HIVEP3: variants seen among roughly 807,000 people sequenced by gnomAD.
HIVEP3 encodes transcription factor HIVEP3.
HIVEP3 carries 49 observed loss-of-function variants against 152.8 expected under a neutral mutation model. The observed-to-expected ratio is 0.32, with a 90% CI of 0.26 to 0.41. HIVEP3 has a LOEUF of 0.41. Ranked by LOEUF, HIVEP3 falls within the 10% of genes least tolerant of loss-of-function variation. The pLI, the probability that HIVEP3 is intolerant of heterozygous loss-of-function variation, is 1.00. For missense variants in HIVEP3, 2,790 were observed against 3,103.3 expected (o/e 0.90, Z 2.40); for synonymous variants, 1,269 against 1,289.0 (o/e 0.98, Z 0.33).
intron 1 of HIVEP3, among the ~76,000 whole-genome samples, chr1:41,867,419 C>T (rs756471501): frequency 6.6e-6 from 1 of 152,186 alleles, no homozygotes; most frequent in Non-Finnish European, 1.5e-5. Context: ...ATTTGGCTCA[C>T]AAGCAGGCTG....
chr1:41,513,824 G>A, intron 7 of HIVEP3, 74 bp from the exon 8 acceptor site: 1 of 1,274,750 alleles, frequency 7.8e-7, no homozygotes, highest in Non-Finnish European at 1.0e-6. Flanking sequence ...GCTCCTCTCT[G>A]AGCCCCAGTT....
chr1:41,582,175 G>C lies in HIVEP3; in HGVS notation c.2623C>G (p.Pro875Ala), dbSNP rs146058739. 7.4e-6 allele frequency: 12 copies of C among 1,613,882 alleles called. No individual in the cohort carries two copies. In the African/African-American group the frequency reaches 8.0e-5, roughly 11 times the overall value. The change falls in exon 4 of 9, where the codon CCT becomes GCT. Residue 875 changes from proline to alanine, a missense_variant. Pro to Ala is a conservative substitution (Grantham distance 27). Transcript: ENST00000372583. This position sits in a 1 kb window ranked among gnomAD's most constrained non-coding sequence, Gnocchi z 4.7. Reference protein sequence around the residue: ...DRPDTEPEPPPKEPEKTEEFQ... With the variant: ...DRPDTEPEPPAKEPEKTEEFQ... The stretch of plus-strand genomic sequence containing the variant: ...TCCTCAGTCTTCTCAGGTTCCTTAG[G>C]GGGCGGCTCTGGCTCTGTGTCCGGC...
chr1:41,832,410 A>G (rs1204425723), intron 1 of HIVEP3, among the ~76,000 whole-genome samples: 1 of 152,120 alleles, frequency 6.6e-6, no homozygotes, highest in Admixed American at 6.5e-5. Flanking sequence ...GTGCCCCTAT[A>G]GTCCCAGCTA....
intron 1 of HIVEP3, among the ~76,000 whole-genome samples, chr1:41,745,018 G>A (rs1647051244): frequency 6.6e-6 from 1 of 152,208 alleles, no homozygotes; most frequent in Admixed American, 6.5e-5. Context: ...TCTCAGGATT[G>A]TGGTTCTGGA....
intron 1 of HIVEP3, among the ~76,000 whole-genome samples, chr1:41,773,823 G>T (rs928196155): frequency 6.6e-6 from 1 of 152,218 alleles, no homozygotes. Context: ...CCAGCTTTTA[G>T]TCAGTTAAAT....
At position 41,908,292 on chromosome 1, in the gene HIVEP3, T is replaced by A. The variant is rs567385471; in HGVS notation, c.-801+10121A>T. On this transcript the variant is annotated intron_variant, in intron 1 of 8. Transcript: ENST00000372583. Reference sequence around the variant, plus strand: ...GCTTTCTCAATTTACTAAGAAAGAATAATTAACTCCCTAGTACCTGATATA... The same window carrying A: ...GCTTTCTCAATTTACTAAGAAAGAAAAATTAACTCCCTAGTACCTGATATA... 1.6e-4 allele frequency among the ~76,000 whole-genome samples: 24 copies of A among 152,284 alleles called. No individual in the cohort carries two copies. In the South Asian group the frequency reaches 4.8e-3, roughly 30 times the overall value.
chr1:41,784,583 T>C (rs908525005), intron 1 of HIVEP3, among the ~76,000 whole-genome samples: 3 of 152,194 alleles, frequency 2.0e-5, no homozygotes, highest in African/African-American at 4.8e-5. Flanking sequence ...CTTACACTTA[T>C]GCACTCAGGG....
intron 1 of HIVEP3, among the ~76,000 whole-genome samples, chr1:41,902,421 G>A (rs773412110): frequency 2.0e-5 from 3 of 152,096 alleles, no homozygotes; most frequent in African/African-American, 4.8e-5. Flanking sequence ...CCCCAGGGAG[G>A]GTCCTGGAAT....
chr1:41,636,279 A>C (rs1645272144), intron 2 of HIVEP3, among the ~76,000 whole-genome samples: 1 of 152,230 alleles, frequency 6.6e-6, no homozygotes, highest in Admixed American at 6.5e-5. Context: ...ATGCCATTTT[A>C]AATAGAATAC....
At chr1:41,764,049 C>T (rs1019377040) in intron 1 of HIVEP3, among the ~76,000 whole-genome samples, 1 of 152,116 alleles carries the variant, frequency 6.6e-6, no homozygotes, top group Non-Finnish European at 1.5e-5. Flanking sequence ...AGATGCGGGG[C>T]CCAGAGCCCT....
rs113712669 is a variant in HIVEP3 at position 41,943,127 on chromosome 1, T to C, written n.120-24603A>G. Among the ~76,000 whole-genome samples, 1,257 of 152,096 alleles carry C rather than the reference T, an allele frequency of 8.3e-3. 19 individuals carry two copies. The highest frequency in any genetic ancestry group is 0.029 in the African/African-American group (1,213 of 41,488). On this transcript the variant is annotated intron_variant and non_coding_transcript_variant, in intron 1 of 3. Transcript: ENST00000489103. ...TTCACCATGTTAGCCAGGATGGTCT[T>C]GATCTCCTGACCTCGTGATCCACCT...
At chr1:41,882,251 C>G (rs1644273459) in intron 1 of HIVEP3, among the ~76,000 whole-genome samples, 1 of 152,180 alleles carries the variant, frequency 6.6e-6, no homozygotes. Context: ...CTGTTTCTCA[C>G]AGATAAACAG....
intron 3 of HIVEP3, among the ~76,000 whole-genome samples, chr1:41,610,153 ATC>A (rs1252749460): frequency 6.6e-6 from 1 of 152,008 alleles, no homozygotes; most frequent in African/African-American, 2.4e-5. Flanking sequence ...ATTCCTTAAA[ATC>A]TCTCTCTCTG....
intron 1 of HIVEP3, among the ~76,000 whole-genome samples, chr1:41,805,872 C>T (rs745778208): frequency 1.2e-4 from 18 of 152,280 alleles, no homozygotes; most frequent in Non-Finnish European, 2.5e-4. Flanking sequence ...GGCCACCTTA[C>T]GCCTTGTGTT....
intron 1 of HIVEP3, among the ~76,000 whole-genome samples, chr1:41,940,699 G>A (rs999280116): frequency 5.9e-5 from 9 of 152,116 alleles, no homozygotes; most frequent in African/African-American, 1.7e-4. Context: ...GAAAGTTATG[G>A]GGAGCTATAA....
At chr1:41,660,153 G>T (rs1244034086) in intron 2 of HIVEP3, among the ~76,000 whole-genome samples, 1 of 152,180 alleles carries the variant, frequency 6.6e-6, no homozygotes, top group African/African-American at 2.4e-5. Context: ...GTGTGTACAA[G>T]TGGGTGTTTG....
intron 1 of HIVEP3, among the ~76,000 whole-genome samples, chr1:41,965,346 T>C (rs1645191798): frequency 6.6e-6 from 1 of 152,184 alleles, no homozygotes; most frequent in Admixed American, 6.5e-5. Context: ...GAGTGCCTCT[T>C]CTCCAAATGA....
At chr1:41,556,714 A>G (rs893249794) in intron 5 of HIVEP3, among the ~76,000 whole-genome samples, 1 of 152,302 alleles carries the variant, frequency 6.6e-6, no homozygotes, top group Middle Eastern at 3.4e-3. Context: ...GCCAAATCCA[A>G]TTTCATGAAG....
At chr1:41,846,838 G>T (rs1459637104) in intron 1 of HIVEP3, among the ~76,000 whole-genome samples, 1 of 152,214 alleles carries the variant, frequency 6.6e-6, no homozygotes, top group African/African-American at 2.4e-5. Flanking sequence ...GGTAATGAAA[G>T]AATGAACAAA....
Sources: gnomAD v4.1 joint callset for allele counts (sites outside exome capture counted in the v4.1 genomes callset) on GRCh38, gnomAD v4.1.1 for gene constraint, Gnocchi (gnomAD v3.1) non-coding constraint, MANE v1.5 for transcripts, NCBI Gene and HGNC (gene_info 2026-07-23, HGNC 2026-07-21) for gene names.